The following MERTK variants were observed in gnomAD, a reference collection of about 807,000 sequenced individuals.
MERTK encodes tyrosine-protein kinase Mer.
Under a neutral mutation model 99.3 loss-of-function variants are expected in MERTK, and 69 were observed. The ratio of observed to expected loss-of-function variants is 0.70; its 90% CI spans 0.57 to 0.85. The LOEUF is 0.85. Ranked by LOEUF, MERTK falls within the 40% of genes least tolerant of loss-of-function variation. The pLI, the probability that MERTK is intolerant of heterozygous loss-of-function variation, is 0.00. For synonymous variants in MERTK, 426 were observed against 467.6 expected (o/e 0.91, Z 1.15); for missense variants, 1,125 against 1,249.4 (o/e 0.90, Z 1.50).
intron 6 of MERTK, 78 bp downstream of exon 6, chr2:111,968,330 T>C (rs1573607865): frequency 8.4e-7 from 1 of 1,194,182 alleles, no homozygotes; most frequent in East Asian, 2.3e-5. Context: ...CTTCCAAGGA[T>C]GGGCATGGAG....
chr2:111,905,333 T>C (rs986790743), intron 1 of MERTK, among the ~76,000 whole-genome samples: 2 of 151,836 alleles, frequency 1.3e-5, no homozygotes, highest in Non-Finnish European at 2.9e-5. Context: ...AACCCTGGGC[T>C]GCTATGGCCA....
intron 8 of MERTK, among the ~76,000 whole-genome samples, chr2:111,992,943 G>C (rs1676658825): frequency 6.6e-6 from 1 of 152,006 alleles, no homozygotes; most frequent in African/African-American, 2.4e-5. Context: ...CTGAAACTTG[G>C]GGGACTCTTG....
chr2:112,008,280 C>T (rs1204499745), intron 13 of MERTK, 103 bp from the exon 14 acceptor site: 4 of 816,490 alleles, frequency 4.9e-6, no homozygotes, highest in Non-Finnish European at 8.3e-6. Flanking sequence ...ATACTTTCAT[C>T]TCTTCCTGAC....
chr2:111,978,084 AC>A (rs1676289970), intron 7 of MERTK, among the ~76,000 whole-genome samples: 1 of 149,620 alleles, frequency 6.7e-6, no homozygotes, highest in South Asian at 2.1e-4. Flanking sequence ...AGCTGGTACT[AC>A]AGGTGCATGC....
At chr2:111,941,319 G>A (rs1684862193) in intron 2 of MERTK, among the ~76,000 whole-genome samples, 1 of 152,142 alleles carries the variant, frequency 6.6e-6, no homozygotes, top group African/African-American at 2.4e-5. Flanking sequence ...GGAAGCTTTT[G>A]GGATCTTCAC....
chr2:112,013,941 G>A (rs976978405), intron 15 of MERTK, among the ~76,000 whole-genome samples: 10 of 152,054 alleles, frequency 6.6e-5, no homozygotes, highest in South Asian at 4.2e-4. Context: ...CACAGCCTCC[G>A]CCTCCCGGGT....
intron 4 of MERTK, among the ~76,000 whole-genome samples, chr2:111,958,166 T>G (rs950277881): frequency 6.6e-6 from 1 of 152,060 alleles, no homozygotes; most frequent in Non-Finnish European, 1.5e-5. Context: ...GGGGTTCCAG[T>G]GCCCGGGGCC....
At chr2:111,918,127 C>CT (rs1684386760) in intron 1 of MERTK, among the ~76,000 whole-genome samples, 3 of 152,126 alleles carry the variant, frequency 2.0e-5, no homozygotes, top group South Asian at 2.1e-4. Context: ...TTTGACTACT[C>CT]TAAGTCAGAG....
intron 6 of MERTK, among the ~76,000 whole-genome samples, chr2:111,973,016 C>G (rs1676155110): frequency 6.6e-6 from 1 of 152,204 alleles, no homozygotes. Context: ...CACACCCTCT[C>G]ACTTCCTTTG....
intron 2 of MERTK, 40 bp downstream of exon 2, chr2:111,929,580 A>ATT: frequency 9.2e-7 from 1 of 1,092,342 alleles, no homozygotes. Flanking sequence ...TTTAGTTTTA[A>ATT]TATTTATTTA....
chr2:111,952,339 G>C (rs1685074284), intron 4 of MERTK: 1 of 154,528 alleles, frequency 6.5e-6, no homozygotes, highest in Non-Finnish European at 1.5e-5. Context: ...GACAGACCCA[G>C]ACAGCAGGGC....
At chr2:112,025,303 G>A (rs952417761) in intron 18 of MERTK, among the ~76,000 whole-genome samples, 2 of 152,134 alleles carry the variant, frequency 1.3e-5, no homozygotes, top group African/African-American at 4.8e-5. Flanking sequence ...GGACTCAGGG[G>A]CTCCTCTCCG....
chr2:111,999,690 G>A (rs1032728373), intron 10 of MERTK, among the ~76,000 whole-genome samples: 2 of 152,148 alleles, frequency 1.3e-5, no homozygotes, highest in East Asian at 1.9e-4. Flanking sequence ...ATTATTAACA[G>A]CTTACATTAT....
At chr2:111,965,564 G>A (rs2104722950) in intron 5 of MERTK, among the ~76,000 whole-genome samples, 1 of 152,324 alleles carries the variant, frequency 6.6e-6, no homozygotes, top group South Asian at 2.1e-4. Context: ...GTTTAGCTCT[G>A]CTTACTCCAA....
intron 10 of MERTK, among the ~76,000 whole-genome samples, chr2:111,998,530 G>A (rs1230551665): frequency 6.6e-6 from 1 of 152,154 alleles, no homozygotes; most frequent in African/African-American, 2.4e-5. Flanking sequence ...TCACAAAATA[G>A]ATTAAAAATG....
intron 2 of MERTK, among the ~76,000 whole-genome samples, chr2:111,933,951 A>T (rs750166093): frequency 7.0e-6 from 1 of 142,578 alleles, no homozygotes; most frequent in Non-Finnish European, 1.5e-5. Flanking sequence ...ATTCCCACTG[A>T]TGAGTGAGAG....
At chr2:111,940,076 C>T (rs1684833773) in intron 2 of MERTK, among the ~76,000 whole-genome samples, 1 of 151,644 alleles carries the variant, frequency 6.6e-6, no homozygotes, top group South Asian at 2.1e-4. Flanking sequence ...CTCCTGTTTC[C>T]TAGAGCCCAG....
chr2:111,944,490 A>AAGG (rs1684921827), intron 2 of MERTK, among the ~76,000 whole-genome samples: 4 of 384 alleles, frequency 0.01, no homozygotes, highest in Admixed American at 0.023. Context: ...ATTAATTCCT[A>AAGG]AATTATGAAT....
rs56410508 is a variant in MERTK, at chr2:111,951,522, C to CATATAT, written c.757+3977_757+3982dup. ...TTTTGTACACGCTGAATAATATTCC[C>CATATAT]ATATATATATATATATATATATATA... On this transcript the variant is annotated intron_variant, in intron 4 of 18. Coordinates refer to ENST00000295408, the MANE Select transcript of MERTK (RefSeq NM_006343.3). Among the ~76,000 whole-genome samples the CATATAT allele has an allele frequency of 4.8e-3, 408 of 85,866 alleles. 26 individuals are homozygous for CATATAT. The highest frequency in any genetic ancestry group is 8.9e-3 in the Admixed American group (66 of 7,436). 56.3% of individuals were successfully genotyped at this position (85,866 alleles called of 152,430 possible).
Sources: allele counts gnomAD v4.1 joint callset (sites outside exome capture counted in the v4.1 genomes callset), GRCh38; gene constraint gnomAD v4.1.1; transcripts MANE v1.5; gene names NCBI Gene and HGNC (gene_info 2026-07-23, HGNC 2026-07-21).